The following ERCC6L2 variants were observed in gnomAD, a reference collection of about 807,000 sequenced individuals.
The protein encoded by ERCC6L2 is ERCC excision repair 6 like 2, also known as DNA excision repair protein ERCC-6-like 2.
A neutral mutation model predicts 132.0 loss-of-function variants in ERCC6L2; 77 were observed. That is an observed-to-expected ratio of 0.58 (90% CI 0.49 to 0.71). The LOEUF (loss-of-function observed/expected upper bound fraction) is 0.71, where lower values mean the gene tolerates loss of function less well. Ranked by LOEUF, ERCC6L2 falls within the 30% of genes least tolerant of loss-of-function variation. The pLI is 0.00. For missense variants in ERCC6L2, 1,542 were observed against 1,837.6 expected (o/e 0.84, Z 2.94); for synonymous variants, 583 against 632.4 (o/e 0.92, Z 1.17).
chr9:95,918,538 A>G (rs1829709346), intron 6 of ERCC6L2: 1 of 466,528 alleles, frequency 2.1e-6, no homozygotes, highest in South Asian at 1.7e-5. Flanking sequence ...AAAATGATGA[A>G]TGGAAGTCAT....
At chr9:96,036,741 A>AATT (rs376440816) in intron 19 of ERCC6L2, among the ~76,000 whole-genome samples, 7,618 of 142,854 alleles carry the variant, frequency 0.053, 226 homozygotes, top group South Asian at 0.091. Context: ...CATTTTTTTA[A>AATT]ATTATTATTA....
At chr9:95,910,690 A>G (rs1375990715) in intron 4 of ERCC6L2, among the ~76,000 whole-genome samples, 2 of 152,156 alleles carry the variant, frequency 1.3e-5, no homozygotes, top group Admixed American at 6.5e-5. Flanking sequence ...GAATATAATT[A>G]TTGGTAAAAT....
intron 9 of ERCC6L2, among the ~76,000 whole-genome samples, chr9:95,924,406 A>G (rs1468051939): frequency 6.6e-6 from 1 of 152,124 alleles, no homozygotes; most frequent in East Asian, 1.9e-4. Context: ...CACAACAAAT[A>G]ATTCAAATCT....
intron 18 of ERCC6L2, among the ~76,000 whole-genome samples, chr9:96,008,698 C>T (rs2133214615): frequency 6.6e-6 from 1 of 152,342 alleles, no homozygotes; most frequent in East Asian, 1.9e-4. Flanking sequence ...TATGAAGGCA[C>T]ACCCAGTGAC....
rs182234924 is a variant in ERCC6L2, at chr9:96,017,805, G to A, written c.*4602G>A. ...AATGTCCACGCATATTTGAACATCTGTGTTCATAGTGGCATTATTCACAAT... is the reference window on the plus strand; with the variant it reads ...AATGTCCACGCATATTTGAACATCTATGTTCATAGTGGCATTATTCACAAT... On this transcript the variant is annotated 3_prime_UTR_variant, in exon 19 of 19. Transcript: ENST00000653738. 2.9e-4 allele frequency among the ~76,000 whole-genome samples: 44 copies of A among 152,286 alleles called. No homozygotes were observed. Among genetic ancestry groups the A allele is most frequent in the Admixed American group, 3.9e-4 (6 of 15,296 alleles).
intron 17 of ERCC6L2, among the ~76,000 whole-genome samples, chr9:96,001,554 C>G (rs1370275218): frequency 6.6e-6 from 1 of 152,220 alleles, no homozygotes; most frequent in African/African-American, 2.4e-5. Flanking sequence ...ATTTACAAAC[C>G]TTGAGCTAGA....
chr9:95,877,468 GTATATGT>G (rs1282764659), intron 1 of ERCC6L2, among the ~76,000 whole-genome samples: 1 of 151,750 alleles, frequency 6.6e-6, no homozygotes, highest in Non-Finnish European at 1.5e-5. Context: ...TTACAGTTAT[GTATATGT>G]TGGTGTACTT....
At chr9:95,944,575 A>C (rs1564248270) in intron 12 of ERCC6L2, among the ~76,000 whole-genome samples, 1 of 152,192 alleles carries the variant, frequency 6.6e-6, no homozygotes. Context: ...ATTATGATAC[A>C]ATTGGTTCTC....
downstream of ERCC6L2, chr9:96,019,914 A>T (rs1564308789): frequency 6.6e-6 from 1 of 152,272 alleles, no homozygotes; most frequent in Non-Finnish European, 1.5e-5. Context: ...GGCTGGGCAC[A>T]GTGGCTCACG....
chr9:95,957,407 CATT>C (rs1831660625), intron 13 of ERCC6L2, among the ~76,000 whole-genome samples: 1 of 124,328 alleles, frequency 8.0e-6, no homozygotes, highest in Non-Finnish European at 1.6e-5. Context: ...ATAAACAGTT[CATT>C]TTTTTTTTTT....
intron 17 of ERCC6L2, among the ~76,000 whole-genome samples, chr9:96,002,297 GTA>G (rs1257496592): frequency 6.6e-6 from 1 of 152,192 alleles, no homozygotes; most frequent in Non-Finnish European, 1.5e-5. Flanking sequence ...GTTTAACTGG[GTA>G]TAGAATTCTA....
Position 95,928,790 on chromosome 9 carries a change from A to G in ERCC6L2, c.1677A>G (p.Lys559=), listed in dbSNP as rs767065080. ...LDYRRLDGST[K]SEERLKIVKE... is the part of the protein sequence containing the mutation. The stretch of plus-strand genomic sequence containing the variant: ...ACCGACGACTTGATGGAAGTACAAA[A>G]TCAGAGGAAAGACTCAAGATTGTAA... The change falls in exon 11 of 19, where the codon AAA becomes AAG. Residue 559 remains lysine, a synonymous_variant. Coordinates refer to ENST00000653738, the MANE Select transcript of ERCC6L2 (RefSeq NM_020207.7). 4.3e-6 allele frequency: 7 copies of G among 1,613,242 alleles called. No homozygotes were observed. In the African/African-American group the frequency reaches 9.3e-5, roughly 22 times the overall value.
At chr9:95,923,874 G>A (rs1012718453) in intron 9 of ERCC6L2, among the ~76,000 whole-genome samples, 2 of 152,178 alleles carry the variant, frequency 1.3e-5, no homozygotes, top group Non-Finnish European at 1.5e-5. Flanking sequence ...GTTGCAAATA[G>A]TCATTTGTCA....
intron 17 of ERCC6L2, among the ~76,000 whole-genome samples, chr9:95,990,910 T>C (rs994946707): frequency 1.3e-5 from 2 of 152,128 alleles, no homozygotes; most frequent in Non-Finnish European, 2.9e-5. Flanking sequence ...TGGAAGACTT[T>C]ATTGAGCGGT....
chr9:96,017,322 A>G lies in ERCC6L2; in HGVS notation c.*4119A>G, dbSNP rs1419901905. ...GCTAAAGGGCCACCCCAGGAGAGCT[A>G]TTTTGCCTCAGGGTCTTGCAGGGTT... is the stretch of plus-strand genomic sequence containing the variant. On this transcript the variant is annotated 3_prime_UTR_variant, in exon 19 of 19. Coordinates refer to ENST00000653738, the MANE Select transcript of ERCC6L2 (RefSeq NM_020207.7). 6.6e-6 allele frequency among the ~76,000 whole-genome samples: 1 copy of G among 152,058 alleles called. No homozygotes were observed. Among genetic ancestry groups the G allele is most frequent in the South Asian group, 2.1e-4 (1 of 4,820 alleles).
Position 95,922,424 on chromosome 9 carries a change from G to C in ERCC6L2, c.1413+6G>C, listed in dbSNP as rs1255988578. The C allele has an allele frequency of 3.2e-6, 5 of 1,552,556 alleles. No individual in the cohort carries two copies. The highest frequency in any genetic ancestry group is 4.4e-6 in the Non-Finnish European group (5 of 1,126,352). Reference sequence around the variant, plus strand: ...CTAGTACTTCCAAACAACAGGTTTGGTTAGCATTTTACATTTCTTTGTGAT... The same window carrying C: ...CTAGTACTTCCAAACAACAGGTTTGCTTAGCATTTTACATTTCTTTGTGAT... On this transcript the variant is annotated splice_donor_region_variant and intron_variant, in intron 8 of 18. Transcript: ENST00000653738.
In ERCC6L2 at chr9:95,972,143, T is replaced by A. The variant is rs921668742; in HGVS notation, c.2392T>A (p.Leu798Met). The A allele has an allele frequency of 7.7e-7, 1 of 1,304,114 alleles. No homozygotes were observed. The highest frequency in any genetic ancestry group is 2.3e-5 in the Admixed American group (1 of 43,528). 80.8% of individuals were successfully genotyped at this position (1,304,114 alleles called of 1,614,324 possible). ...LTLLQCGFSK[L>M]LETKCKAVED... ...CTTACTCCAGTGTGGTTTCTCGAAA[T>A]TGCTTGAAACAAAATGTAAAGCAGT... The change falls in exon 16 of 19, where the codon TTG becomes ATG. Residue 798 changes from leucine to methionine, a missense_variant. By Grantham distance (15) the Leu-to-Met change is conservative. Coordinates refer to ENST00000653738, the MANE Select transcript of ERCC6L2 (RefSeq NM_020207.7).
In ERCC6L2 at chr9:95,898,043, A is replaced by G. The variant is rs1828560526; in HGVS notation, c.594+72A>G. 6 of 1,319,896 alleles carry G rather than the reference A, an allele frequency of 4.5e-6. No individual in the cohort carries two copies. In the Admixed American group the frequency reaches 1.4e-4, roughly 32 times the overall value. The allele number at this position is 1,319,896 out of a possible 1,614,324, so 81.8% of individuals were successfully genotyped here. A position where few individuals can be genotyped will look rare whatever the true frequency, so the allele number is the denominator to read the frequency against. On this transcript the variant is annotated intron_variant, in intron 3 of 18. Coordinates refer to ENST00000653738, the MANE Select transcript of ERCC6L2 (RefSeq NM_020207.7). ...CAAAAGCATATAGAAATATTTAAATATCACACATTAAAATGTATTGGTATA... is the reference window on the plus strand; with the variant it reads ...CAAAAGCATATAGAAATATTTAAATGTCACACATTAAAATGTATTGGTATA...
At chr9:95,975,471 C>CTTTTTTTT (rs572855007) in intron 16 of ERCC6L2, among the ~76,000 whole-genome samples, 1 of 111,274 alleles carries the variant, frequency 9.0e-6, no homozygotes, top group Admixed American at 9.1e-5. Context: ...ATTATATGTT[C>CTTTTTTTT]TTTTTTTTTT....
Sources: gnomAD v4.1 joint callset for allele counts (sites outside exome capture counted in the v4.1 genomes callset) on GRCh38, gnomAD v4.1.1 for gene constraint, MANE v1.5 for transcripts, NCBI Gene and HGNC (gene_info 2026-07-23, HGNC 2026-07-21) for gene names.